Variants in HLTF observed in about 807,000 individuals in gnomAD.
HLTF encodes the protein DNA-dependent ATPase/E3 ubiquitin-protein ligase HLTF.
A neutral mutation model predicts 129.4 loss-of-function variants in HLTF; 127 were observed. That is an observed-to-expected ratio of 0.98 (90% CI 0.85 to 1.14). HLTF has a LOEUF of 1.14. HLTF is among the 50% of genes most tolerant of loss of function. The pLI is 0.00. For missense variants in HLTF, 1,139 were observed against 1,187.1 expected (o/e 0.96, Z 0.60); for synonymous variants, 332 against 388.8 (o/e 0.85, Z 1.72).
In HLTF at chr3:149,055,402, T is replaced by A. The variant is rs1343592676; in HGVS notation, c.1376-2A>T. 3 of 1,606,000 alleles carry A rather than the reference T, an allele frequency of 1.9e-6. No homozygotes were observed. The highest frequency in any genetic ancestry group is 2.2e-5 in the East Asian group (1 of 44,794). On this transcript the variant is annotated splice_acceptor_variant, in intron 13 of 24. Coordinates refer to ENST00000310053, the MANE Select transcript of HLTF (RefSeq NM_003071.4). LOFTEE classifies it high-confidence loss of function. ...TTGACCCCTCCACTGCACAAGCTCC[T>A]AAAAAAATGAACCACTGATAGAACC...
intron 13 of HLTF, among the ~76,000 whole-genome samples, chr3:149,057,130 A>T (rs1485394699): frequency 7.5e-6 from 1 of 133,940 alleles, no homozygotes; most frequent in East Asian, 2.3e-4. Context: ...AAAAAAAAAA[A>T]AAAAAATACA....
At chr3:149,049,948 C>A (rs1716843365) in intron 15 of HLTF, among the ~76,000 whole-genome samples, 2 of 151,526 alleles carry the variant, frequency 1.3e-5, no homozygotes, top group South Asian at 4.2e-4. Flanking sequence ...GCTGAGATCA[C>A]ACCATTATAT....
At chr3:149,053,325 T>A (rs1383493868) in intron 14 of HLTF, among the ~76,000 whole-genome samples, 2 of 152,352 alleles carry the variant, frequency 1.3e-5, no homozygotes, top group African/African-American at 4.8e-5. Context: ...GGCTTAGTGC[T>A]ATCCCCTTGG....
chr3:149,036,297 G>GTTTTT (rs71135656), intron 23 of HLTF, among the ~76,000 whole-genome samples: 1 of 107,984 alleles, frequency 9.3e-6, no homozygotes, highest in African/African-American at 3.8e-5. Flanking sequence ...AAACTATGAG[G>GTTTTT]TTTTTTTTTT....
rs1279972174 is a variant in HLTF at position 149,063,512 on chromosome 3, C to T, written c.1079G>A (p.Cys360Tyr). Reference protein sequence around the residue: ...ADGLSKDASRCSEQPSISDIK... With the variant: ...ADGLSKDASRYSEQPSISDIK... Reference sequence around the variant, plus strand: ...ATCTGAAATACTGGGTTGTTCACTACATCTAGATGCGTCTATTTCAAAGAA... The same window carrying T: ...ATCTGAAATACTGGGTTGTTCACTATATCTAGATGCGTCTATTTCAAAGAA... Residue 360 changes from cysteine to tyrosine, a missense_variant, in exon 10 of 25, where the codon TGT becomes TAT. Transcript: ENST00000310053. 6.3e-7 allele frequency: 1 copy of T among 1,597,110 alleles called. No homozygotes were observed. Among genetic ancestry groups the T allele is most frequent in the East Asian group, 2.2e-5 (1 of 44,796 alleles).
intron 5 of HLTF, 73 bp downstream of exon 5, chr3:149,073,152 T>A (rs993628483): frequency 4.9e-5 from 45 of 924,640 alleles, no homozygotes; most frequent in Non-Finnish European, 5.0e-5. Context: ...TACATATTCA[T>A]CCTGTTCTTT....
At position 149,059,715 on chromosome 3, in the gene HLTF, G is replaced by T; in HGVS notation, c.1375+3C>A. Reference sequence around the variant, plus strand: ...AAACTAGAAAACAAGGATATTTACTGACCCTTTTTCAACATTTTCTTTTTT... The same window carrying T: ...AAACTAGAAAACAAGGATATTTACTTACCCTTTTTCAACATTTTCTTTTTT... On this transcript the variant is annotated splice_donor_region_variant and intron_variant, in intron 13 of 24. Coordinates refer to ENST00000310053, the MANE Select transcript of HLTF (RefSeq NM_003071.4). 1 of 1,545,516 alleles carries T rather than the reference G, an allele frequency of 6.5e-7. No homozygotes were observed. The highest frequency in any genetic ancestry group is 8.8e-7 in the Non-Finnish European group (1 of 1,134,042).
rs747339531 is a variant in HLTF at position 149,074,057 on chromosome 3, G to GTTT, written c.529+157_529+158insAAA. ...TGAATCTATTTCAATAGAGGCAAAA[G>GTTT]GAAAAATCAGAGATTTCCTCAAAAA... On this transcript the variant is annotated intron_variant, in intron 4 of 24. Transcript: ENST00000310053. Among the ~76,000 whole-genome samples the GTTT allele has an allele frequency of 3.3e-5, 5 of 151,910 alleles. No homozygotes were observed. The East Asian group carries it at 7.7e-4, about 23-fold the overall frequency.
At chr3:149,070,776 G>A (rs1204029220) in intron 7 of HLTF, among the ~76,000 whole-genome samples, 1 of 152,204 alleles carries the variant, frequency 6.6e-6, no homozygotes, top group Non-Finnish European at 1.5e-5. Flanking sequence ...CAGGCAGGGT[G>A]GCTCACATCT....
At chr3:149,034,559 C>T (rs993545416) in intron 24 of HLTF, among the ~76,000 whole-genome samples, 2 of 152,090 alleles carry the variant, frequency 1.3e-5, no homozygotes, top group African/African-American at 4.8e-5. Flanking sequence ...AAACTGTATA[C>T]TTCAAAATGG....
intron 3 of HLTF, 22 bp downstream of exon 3, chr3:149,075,859 C>G: frequency 1.3e-6 from 2 of 1,551,882 alleles, no homozygotes; most frequent in Non-Finnish European, 1.7e-6. Flanking sequence ...ATTATTAAAA[C>G]TAAATTCTGA....
rs1715895757 is a variant in HLTF at position 149,039,124 on chromosome 3, T to C, written c.2721A>G (p.Ile907Met). ...CACCTGCTTTTAAGGACAGAAGCAT[T>C]ATAGTTGGAGATCCTGCTTCAGTGT... ...FQNTEAGSPT[I>M]MLLSLKAGGV... The change falls in exon 23 of 25, where the codon ATA (isoleucine) becomes ATG (methionine). Residue 907 changes from isoleucine (I) to methionine (M), a missense_variant. Physicochemically the swap from Ile to Met is conservative, Grantham distance 10. Transcript: ENST00000310053. The C allele has an allele frequency of 6.2e-7, 1 of 1,612,568 alleles. No individual in the cohort carries two copies. Among genetic ancestry groups the C allele is most frequent in the Non-Finnish European group, 8.5e-7 (1 of 1,179,352 alleles).
chr3:149,037,320 T>A (rs1715721956), intron 23 of HLTF, among the ~76,000 whole-genome samples: 1 of 151,430 alleles, frequency 6.6e-6, no homozygotes, highest in Non-Finnish European at 1.5e-5. Context: ...AATGCAAAAA[T>A]TAGCCACGCG....
At position 149,042,000 on chromosome 3, in the gene HLTF, T is replaced by C. The variant is rs139354900; in HGVS notation, c.2197+166A>G. ...AGACCTCATTATAATTCCATTTCAT[T>C]GGTAAAAAAATTATTGGATGTATTC... On this transcript the variant is annotated intron_variant, in intron 19 of 24. Transcript: ENST00000310053. The C allele has an allele frequency of 7.8e-4, 494 of 629,412 alleles. 2 individuals are homozygous for C. In the African/African-American group the frequency reaches 8.4e-3, roughly 11 times the overall value. The allele number at this position is 629,412 out of a possible 1,614,324, so 39.0% of individuals were successfully genotyped here.
intron 13 of HLTF, among the ~76,000 whole-genome samples, chr3:149,059,112 T>C (rs568442229): frequency 1.4e-4 from 21 of 152,322 alleles, no homozygotes; most frequent in Middle Eastern, 3.4e-3. Flanking sequence ...TTTAAAATTA[T>C]ATTGACTTGC....
In HLTF at chr3:149,040,172, C is replaced by T. The variant is rs2305867; in HGVS notation, c.2377-16G>A. Reference sequence around the variant, plus strand: ...TAGCATGTGGCTATATAAGAAAGAACGAAGTATGAGCAACACTTAACAGAA... The same window carrying T: ...TAGCATGTGGCTATATAAGAAAGAATGAAGTATGAGCAACACTTAACAGAA... On this transcript the variant is annotated splice_polypyrimidine_tract_variant and intron_variant, in intron 20 of 24. Transcript: ENST00000310053. 1.2e-5 allele frequency: 19 copies of T among 1,597,226 alleles called. No homozygotes were observed. The highest frequency in any genetic ancestry group is 4.5e-5 in the South Asian group (4 of 88,590).
Position 149,055,377 on chromosome 3 carries a change from T to C in HLTF, c.1399A>G (p.Lys467Glu). Residue 467 changes from lysine to glutamate, a missense_variant, in exon 14 of 25, where the codon AAG becomes GAG. Lys to Glu is a moderately conservative substitution (Grantham distance 56). Transcript: ENST00000310053. ...GGTCTCTCCTCAACATCAGTTTTCTTTGACCCCTCCACTGCACAAGCTCCT... is the reference window on the plus strand; with the variant it reads ...GGTCTCTCCTCAACATCAGTTTTCTCTGACCCCTCCACTGCACAAGCTCCT... ...KKGACAVEGS[K>E]KTDVEERPRT... is the part of the protein sequence containing the mutation. 1 of 1,613,702 alleles carries C rather than the reference T, an allele frequency of 6.2e-7. No individual in the cohort carries two copies. The highest frequency in any genetic ancestry group is 1.1e-5 in the South Asian group (1 of 91,072).
intron 7 of HLTF, among the ~76,000 whole-genome samples, 157 bp downstream of exon 7, chr3:149,071,095 A>C (rs1371380201): frequency 2.0e-5 from 3 of 152,140 alleles, no homozygotes; most frequent in Non-Finnish European, 4.4e-5. Flanking sequence ...CACTATTTTA[A>C]CTAAAAACTA....
chr3:149,051,322 G>A (rs1207855618), intron 14 of HLTF, among the ~76,000 whole-genome samples: 1 of 151,592 alleles, frequency 6.6e-6, no homozygotes, highest in African/African-American at 2.4e-5. Flanking sequence ...GGTCACTATA[G>A]AATACCTAAC....
Sources: allele counts gnomAD v4.1 joint callset (sites outside exome capture counted in the v4.1 genomes callset), GRCh38; gene constraint gnomAD v4.1.1; transcripts MANE v1.5; gene names NCBI Gene and HGNC (gene_info 2026-07-23, HGNC 2026-07-21).